ST6GALNAC3: variants seen among roughly 807,000 people sequenced by gnomAD.
ST6GALNAC3 encodes ST6 N-acetylgalactosaminide alpha-2,6-sialyltransferase 3, also known as alpha-N-acetylgalactosaminide alpha-2,6-sialyltransferase 3.
In ST6GALNAC3, 25 loss-of-function variants were observed where a neutral mutation model predicts 32.7. The ratio of observed to expected loss-of-function variants is 0.76; its 90% CI spans 0.56 to 1.07. ST6GALNAC3 has a LOEUF of 1.07. Ranked by LOEUF, ST6GALNAC3 falls within the 50% of genes least tolerant of loss-of-function variation. The probability of loss-of-function intolerance (pLI) is 0.00; values close to 1 mark genes in which losing one functional copy is unlikely to be tolerated. For missense variants in ST6GALNAC3, 355 were observed against 382.4 expected, an observed-to-expected ratio of 0.93 and a Z score of 0.60; for synonymous variants, 129 against 133.1, an observed-to-expected ratio of 0.97 and a Z score of 0.21.
chr1:76,182,581 A>C (rs926944133), intron 1 of ST6GALNAC3, among the ~76,000 whole-genome samples: 1 of 152,084 alleles, frequency 6.6e-6, no homozygotes, highest in Admixed American at 6.5e-5. Context: ...TTTTCATTTT[A>C]GTTACTCAAA....
intron 1 of ST6GALNAC3, among the ~76,000 whole-genome samples, chr1:76,078,627 T>G (rs1646848689): frequency 6.6e-6 from 1 of 152,156 alleles, no homozygotes; most frequent in Non-Finnish European, 1.5e-5. Context: ...TTCTAAAGGT[T>G]AAATGAGATA....
intron 3 of ST6GALNAC3, among the ~76,000 whole-genome samples, chr1:76,592,207 A>G (rs1647058716): frequency 6.6e-6 from 1 of 152,204 alleles, no homozygotes; most frequent in South Asian, 2.1e-4. Context: ...GACTTAAGCC[A>G]GAGAGATCGT....
intron 2 of ST6GALNAC3, among the ~76,000 whole-genome samples, chr1:76,395,191 A>G (rs1239950163): frequency 8.1e-6 from 1 of 123,198 alleles, no homozygotes; most frequent in Non-Finnish European, 1.9e-5. Flanking sequence ...ATGAGGCCCC[A>G]GCATACCAGA....
At chr1:76,202,750 C>A (rs1024401496) in intron 1 of ST6GALNAC3, among the ~76,000 whole-genome samples, 2 of 152,106 alleles carry the variant, frequency 1.3e-5, no homozygotes, top group African/African-American at 4.8e-5. Flanking sequence ...TTAAAAAATG[C>A]AAGCAAGTCA....
At chr1:76,538,232 C>A (rs751601469) in intron 3 of ST6GALNAC3, among the ~76,000 whole-genome samples, 1 of 152,052 alleles carries the variant, frequency 6.6e-6, no homozygotes, top group Non-Finnish European at 1.5e-5. Context: ...AATCGATAAA[C>A]GTAATCCATC....
At chr1:76,355,329 T>C (rs896143159) in intron 2 of ST6GALNAC3, among the ~76,000 whole-genome samples, 3 of 152,226 alleles carry the variant, frequency 2.0e-5, no homozygotes, top group African/African-American at 7.2e-5. Flanking sequence ...TGTATATTCC[T>C]ACCAAAGACA....
rs1330583961 is a variant in ST6GALNAC3 at position 76,188,023 on chromosome 1, A to G, written c.18+113139A>G. Among the ~76,000 whole-genome samples, 3 of 152,204 alleles carry G rather than the reference A, an allele frequency of 2.0e-5. No homozygotes were observed. The East Asian group carries it at 5.8e-4, about 29-fold the overall frequency. ...AACCTGACTATTTTTTTTCAAAGAAAGGAGCAGTCATGAACAGCCTATGAA... is the reference window on the plus strand; with the variant it reads ...AACCTGACTATTTTTTTTCAAAGAAGGGAGCAGTCATGAACAGCCTATGAA... On this transcript the variant is annotated intron_variant, in intron 1 of 4. Coordinates refer to ENST00000328299, the MANE Select transcript of ST6GALNAC3 (RefSeq NM_152996.4).
At chr1:76,460,464 A>G (rs964474261) in intron 3 of ST6GALNAC3, among the ~76,000 whole-genome samples, 7 of 152,208 alleles carry the variant, frequency 4.6e-5, no homozygotes, top group African/African-American at 1.4e-4. Flanking sequence ...ATTCACTAAG[A>G]GGGTCCCTTA....
At chr1:76,302,161 C>T (rs1393591886) in intron 1 of ST6GALNAC3, among the ~76,000 whole-genome samples, 1 of 152,038 alleles carries the variant, frequency 6.6e-6, no homozygotes, top group Non-Finnish European at 1.5e-5. Flanking sequence ...TACTTATACT[C>T]AGTACTTCCT....
At chr1:76,341,894 G>A (rs1233761515) in intron 2 of ST6GALNAC3, among the ~76,000 whole-genome samples, 1 of 151,782 alleles carries the variant, frequency 6.6e-6, no homozygotes, top group Non-Finnish European at 1.5e-5. Context: ...AGTGTGTGAT[G>A]TTCCCCTCCC....
intron 1 of ST6GALNAC3, among the ~76,000 whole-genome samples, chr1:76,175,008 T>C (rs1207599888): frequency 1.3e-5 from 2 of 152,304 alleles, no homozygotes; most frequent in Non-Finnish European, 2.9e-5. Flanking sequence ...ATGATACCTA[T>C]TACATTATAT....
chr1:76,486,465 T>G (rs1660122518), intron 3 of ST6GALNAC3, among the ~76,000 whole-genome samples: 2 of 152,228 alleles, frequency 1.3e-5, no homozygotes, highest in South Asian at 4.1e-4. Flanking sequence ...ATTGATCCCT[T>G]TACCATTATG....
At chr1:76,172,407 A>G (rs1652579326) in intron 1 of ST6GALNAC3, among the ~76,000 whole-genome samples, 1 of 152,228 alleles carries the variant, frequency 6.6e-6, no homozygotes, top group East Asian at 1.9e-4. Context: ...AGCTGGAAGC[A>G]TTCCCTTTGA....
intron 1 of ST6GALNAC3, among the ~76,000 whole-genome samples, chr1:76,242,524 G>A (rs1657027106): frequency 6.6e-6 from 1 of 152,080 alleles, no homozygotes; most frequent in Non-Finnish European, 1.5e-5. Flanking sequence ...TGGCATGGTG[G>A]TTTGGTGCAC....
intron 3 of ST6GALNAC3, among the ~76,000 whole-genome samples, chr1:76,437,790 G>T (rs1014536129): frequency 6.6e-6 from 1 of 151,626 alleles, no homozygotes; most frequent in Middle Eastern, 3.2e-3. Flanking sequence ...TGGCCAGGAC[G>T]GTCTCGATCT....
chr1:76,636,543 T>G (rs1434478029), downstream of ST6GALNAC3, among the ~76,000 whole-genome samples: 8 of 152,194 alleles, frequency 5.3e-5, no homozygotes, highest in Non-Finnish European at 2.9e-5. Context: ...AGTACTAATA[T>G]GCCTTAAAAA....
At chr1:76,538,490 A>G (rs1439161264) in intron 3 of ST6GALNAC3, among the ~76,000 whole-genome samples, 1 of 152,150 alleles carries the variant, frequency 6.6e-6, no homozygotes, top group African/African-American at 2.4e-5. Flanking sequence ...CACCACTCCT[A>G]TTCAACATAG....
chr1:76,080,452 T>C (rs1014478774), intron 1 of ST6GALNAC3, among the ~76,000 whole-genome samples: 2 of 152,040 alleles, frequency 1.3e-5, no homozygotes, highest in African/African-American at 4.8e-5. Context: ...TTAGTATGTT[T>C]CTTGTAGGTA....
intron 1 of ST6GALNAC3, among the ~76,000 whole-genome samples, chr1:76,094,413 G>C (rs1647094919): frequency 1.3e-5 from 2 of 152,176 alleles, no homozygotes; most frequent in African/African-American, 4.8e-5. Context: ...AGCTTCCCAA[G>C]TGCTAGGCAT....
Sources: allele counts gnomAD v4.1 joint callset (sites outside exome capture counted in the v4.1 genomes callset), GRCh38; gene constraint gnomAD v4.1.1; transcripts MANE v1.5; gene names NCBI Gene and HGNC (gene_info 2026-07-23, HGNC 2026-07-21).